Variants in RUNX2 observed in about 807,000 individuals in gnomAD.
RUNX2 encodes the protein RUNX family transcription factor 2, also known as runt-related transcription factor 2.
In RUNX2, 10 loss-of-function variants were observed where a neutral mutation model predicts 51.7. That is an observed-to-expected ratio of 0.19 (90% confidence interval 0.12 to 0.33). RUNX2 has a LOEUF of 0.33. Among genes scored for constraint, RUNX2 ranks in the 10% least tolerant of loss-of-function variants. The probability of loss-of-function intolerance (pLI) is 1.00; values close to 1 mark genes in which losing one functional copy is unlikely to be tolerated. For synonymous variants in RUNX2, 276 were observed against 273.6 expected (o/e 1.01, Z -0.09); for missense variants, 562 against 691.3 (o/e 0.81, Z 2.10).
intron 3 of RUNX2, among the ~76,000 whole-genome samples, chr6:45,423,216 A>G (rs1368342550): frequency 6.6e-6 from 1 of 151,918 alleles, no homozygotes; most frequent in Admixed American, 6.5e-5. Context: ...TGACCCGTTC[A>G]GCACTCCTCA....
intron 2 of RUNX2, among the ~76,000 whole-genome samples, chr6:45,379,098 C>T (rs76970282): frequency 0.041 from 6,232 of 152,258 alleles, 177 homozygotes; most frequent in Non-Finnish European, 0.064. Flanking sequence ...TTGGTTATTT[C>T]CTCTGTGGAT....
At chr6:45,444,278 G>A (rs1798930176) in intron 5 of RUNX2, among the ~76,000 whole-genome samples, 1 of 152,218 alleles carries the variant, frequency 6.6e-6, no homozygotes, top group African/African-American at 2.4e-5. Context: ...TCTCAGGTAG[G>A]TAAACCATAT....
At chr6:45,418,287 C>A (rs1299101160) in intron 2 of RUNX2, among the ~76,000 whole-genome samples, 1 of 152,164 alleles carries the variant, frequency 6.6e-6, no homozygotes, top group African/African-American at 2.4e-5. Flanking sequence ...TGCTTCACAT[C>A]TCATTTTCTT....
At chr6:45,522,327 C>T (rs1307180609) in intron 7 of RUNX2, among the ~76,000 whole-genome samples, 1 of 152,144 alleles carries the variant, frequency 6.6e-6, no homozygotes, top group Non-Finnish European at 1.5e-5. Flanking sequence ...ATGCCAAAAA[C>T]ATGCAAAGAA....
At chr6:45,538,183 G>C (rs62400374) in intron 7 of RUNX2, among the ~76,000 whole-genome samples, 15,595 of 152,060 alleles carry the variant, frequency 0.1, 981 homozygotes, top group Non-Finnish European at 0.14. Context: ...ACTAGCGCAG[G>C]CCACAGGAAA....
chr6:45,528,495 A>G (rs1582210087), intron 7 of RUNX2, among the ~76,000 whole-genome samples: 1 of 152,098 alleles, frequency 6.6e-6, no homozygotes, highest in African/African-American at 2.4e-5. Context: ...GTGGCACGCA[A>G]TTGTAATCCC....
At chr6:45,543,035 C>G (rs970708690) in intron 7 of RUNX2, among the ~76,000 whole-genome samples, 18 of 152,162 alleles carry the variant, frequency 1.2e-4, no homozygotes, top group Non-Finnish European at 1.0e-4. Context: ...GGATCATAGC[C>G]TAAAGCTTTA....
intron 2 of RUNX2, among the ~76,000 whole-genome samples, chr6:45,399,769 A>AGGAG (rs553992896): frequency 7.1e-4 from 101 of 142,640 alleles, no homozygotes; most frequent in African/African-American, 2.4e-3. Flanking sequence ...AAAGGAAGGA[A>AGGAG]GGAGGGAGGG....
At chr6:45,479,821 A>T (rs10214519) in intron 5 of RUNX2, among the ~76,000 whole-genome samples, 2 of 152,072 alleles carry the variant, frequency 1.3e-5, no homozygotes, top group Non-Finnish European at 2.9e-5. Flanking sequence ...GCTTGAGAAT[A>T]ATACACTTTA....
intron 2 of RUNX2, among the ~76,000 whole-genome samples, chr6:45,393,401 T>TTAA (rs1257282943): frequency 6.6e-6 from 1 of 152,138 alleles, no homozygotes; most frequent in Non-Finnish European, 1.5e-5. Context: ...AAATGTACTA[T>TTAA]TAATGTGTTC....
rs57722742 is a variant in RUNX2, at chr6:45,415,796, A to G, written c.59-6797A>G. ...GCCAACTGATAAAGAGAAATATTTA[A>G]TGGATCCGGATTCATTTTCACAGAG... On this transcript the variant is annotated intron_variant, in intron 2 of 8. Coordinates refer to ENST00000647337, the MANE Select transcript of RUNX2 (RefSeq NM_001024630.4). Among the ~76,000 whole-genome samples the G allele has an allele frequency of 4.1e-3, 618 of 152,290 alleles. 9 individuals carry two copies. The highest frequency in any genetic ancestry group is 0.014 in the African/African-American group (587 of 41,550).
intron 8 of RUNX2, among the ~76,000 whole-genome samples, chr6:45,546,312 T>C (rs1277603207): frequency 2.0e-5 from 3 of 152,184 alleles, no homozygotes. Flanking sequence ...AAGGAAATGA[T>C]AGGAACATGA....
At chr6:45,485,145 GT>G (rs1800230369) in intron 5 of RUNX2, among the ~76,000 whole-genome samples, 1 of 151,070 alleles carries the variant, frequency 6.6e-6, no homozygotes, top group African/African-American at 2.4e-5. Context: ...CCAAAGTATG[GT>G]TTTATTCATT....
At chr6:45,500,268 A>G in intron 6 of RUNX2, among the ~76,000 whole-genome samples, 1 of 152,182 alleles carries the variant, frequency 6.6e-6, no homozygotes. Flanking sequence ...AGCAACAATA[A>G]TATATTATAG....
intron 7 of RUNX2, among the ~76,000 whole-genome samples, chr6:45,517,809 AACCCC>A (rs60356695): frequency 0.12 from 17,545 of 152,092 alleles, 1,111 homozygotes; most frequent in Non-Finnish European, 0.15. Context: ...CCAGTGGAAA[AACCCC>A]ACCCCATTTG....
At chr6:45,522,742 C>T (rs1311133593) in intron 7 of RUNX2, among the ~76,000 whole-genome samples, 3 of 152,206 alleles carry the variant, frequency 2.0e-5, no homozygotes, top group Non-Finnish European at 4.4e-5. Context: ...CGATGCTCAG[C>T]ATGCATAATG....
At position 45,547,571 on chromosome 6, in the gene RUNX2, A is replaced by G. The variant is rs1802440737; in HGVS notation, c.*266A>G. 1 of 510,118 alleles carries G rather than the reference A, an allele frequency of 2.0e-6. No individual in the cohort carries two copies. The highest frequency in any genetic ancestry group is 1.9e-5 in the African/African-American group (1 of 51,984). 31.6% of individuals were successfully genotyped at this position (510,118 alleles called of 1,614,324 possible). A position where few individuals can be genotyped will look rare whatever the true frequency, so the allele number is the denominator to read the frequency against. ...AAGATGTACTTTTACAAAGGAACAAAGAAGGGAAAAGGTATTTTTGTTTTT... is the reference window on the plus strand; with the variant it reads ...AAGATGTACTTTTACAAAGGAACAAGGAAGGGAAAAGGTATTTTTGTTTTT... On this transcript the variant is annotated 3_prime_UTR_variant, in exon 9 of 9. Coordinates refer to ENST00000647337, the MANE Select transcript of RUNX2 (RefSeq NM_001024630.4).
chr6:45,421,116 G>C (rs529451903), intron 2 of RUNX2: 10 of 152,174 alleles, frequency 6.6e-5, no homozygotes, highest in African/African-American at 1.9e-4. Flanking sequence ...ATTTTTCCCC[G>C]TGAGCGCTGG....
At chr6:45,390,036 A>G (rs748936617) in intron 2 of RUNX2, among the ~76,000 whole-genome samples, 3 of 151,992 alleles carry the variant, frequency 2.0e-5, no homozygotes, top group African/African-American at 4.8e-5. Flanking sequence ...TCACATTCCA[A>G]TTCTGTGGAG....
Sources: allele counts gnomAD v4.1 joint callset (sites outside exome capture counted in the v4.1 genomes callset), GRCh38; gene constraint gnomAD v4.1.1; transcripts MANE v1.5; gene names NCBI Gene and HGNC (gene_info 2026-07-23, HGNC 2026-07-21).